CNTNAP5: variants seen among roughly 807,000 people sequenced by gnomAD.
The protein encoded by CNTNAP5 is contactin associated protein family member 5, also known as contactin-associated protein-like 5.
CNTNAP5 carries 72 observed loss-of-function variants against 150.2 expected under a neutral mutation model. The ratio of observed to expected loss-of-function variants is 0.48; its 90% CI spans 0.40 to 0.58. The LOEUF is 0.58. Ranked by LOEUF, CNTNAP5 falls within the 20% of genes least tolerant of loss-of-function variation. The pLI is 0.00. For synonymous variants in CNTNAP5, 672 were observed against 619.8 expected (o/e 1.08, Z -1.25); for missense variants, 1,636 against 1,626.2 (o/e 1.01, Z -0.10).
intron 3 of CNTNAP5, among the ~76,000 whole-genome samples, chr2:124,395,503 C>T (rs1043614706): frequency 6.6e-6 from 1 of 151,962 alleles, no homozygotes; most frequent in African/African-American, 2.4e-5. Flanking sequence ...CTCTGCTCTC[C>T]TGCTTGGAAA....
chr2:124,073,648 C>A (rs143353556), intron 1 of CNTNAP5, among the ~76,000 whole-genome samples: 1,964 of 152,000 alleles, frequency 0.013, 43 homozygotes, highest in African/African-American at 0.045. Flanking sequence ...TATCATCTCA[C>A]CCCAGTTAAA....
chr2:124,265,471 A>G (rs567232952), intron 3 of CNTNAP5, among the ~76,000 whole-genome samples: 24 of 152,070 alleles, frequency 1.6e-4, no homozygotes, highest in African/African-American at 4.8e-4. Flanking sequence ...GTCCTAATCC[A>G]TCACTATCCT....
chr2:124,139,761 T>C (rs574529280), intron 1 of CNTNAP5, among the ~76,000 whole-genome samples: 21 of 152,272 alleles, frequency 1.4e-4, no homozygotes, highest in Middle Eastern at 3.4e-3. Context: ...AGATTTGATA[T>C]TTTAAAATAT....
chr2:124,506,280 T>C (rs1267270300), intron 8 of CNTNAP5, among the ~76,000 whole-genome samples: 1 of 152,100 alleles, frequency 6.6e-6, no homozygotes, highest in African/African-American at 2.4e-5. Context: ...CTGTGCATTG[T>C]TCTTTGTATC....
At chr2:124,398,481 T>TTTATTTATTTATTTAC (rs772499834) in intron 3 of CNTNAP5, among the ~76,000 whole-genome samples, 1,078 of 23,404 alleles carry the variant, frequency 0.046, 15 homozygotes, top group South Asian at 0.32. Flanking sequence ...AAATTTTTAC[T>TTTATTTATTTATTTAC]TTATTTATTT....
intron 13 of CNTNAP5, among the ~76,000 whole-genome samples, chr2:124,649,721 G>C (rs1265901197): frequency 6.6e-6 from 1 of 151,998 alleles, no homozygotes; most frequent in East Asian, 1.9e-4. Flanking sequence ...CTATAGTTTC[G>C]ATTTCACCAC....
chr2:124,171,948 C>T (rs987561671), intron 1 of CNTNAP5, among the ~76,000 whole-genome samples: 3 of 152,210 alleles, frequency 2.0e-5, no homozygotes, highest in Non-Finnish European at 4.4e-5. Context: ...AGGACCTACT[C>T]ATGAATGACA....
chr2:124,818,784 G>T (rs140174181), intron 19 of CNTNAP5, among the ~76,000 whole-genome samples: 4 of 152,070 alleles, frequency 2.6e-5, no homozygotes. Flanking sequence ...GAGACCAACT[G>T]CATTTCTCCT....
Position 124,434,597 on chromosome 2 carries a change from G to T in CNTNAP5, c.643G>T (p.Asp215Tyr). Residue 215 changes from aspartate to tyrosine, a missense_variant, in exon 5 of 24, where the codon GAT becomes TAT. Transcript: ENST00000682447. ...CCTGAAGTTCAAGAGCATGCAAGGA[G>T]ATGGGGTCCTGTTCCATGGAGAAGG... ...ISLKFKSMQG[D>Y]GVLFHGEGQR... 3.7e-6 allele frequency: 6 copies of T among 1,613,998 alleles called. No individual in the cohort carries two copies. Among genetic ancestry groups the T allele is most frequent in the Non-Finnish European group, 4.2e-6 (5 of 1,179,870 alleles).
chr2:124,540,492 C>T (rs1248711115), intron 10 of CNTNAP5, among the ~76,000 whole-genome samples: 3 of 152,146 alleles, frequency 2.0e-5, no homozygotes, highest in Non-Finnish European at 4.4e-5. Context: ...GCTAATATTC[C>T]TCTGTGACCT....
At chr2:124,250,450 G>A (rs771603987) in intron 3 of CNTNAP5, among the ~76,000 whole-genome samples, 1 of 152,068 alleles carries the variant, frequency 6.6e-6, no homozygotes, top group Non-Finnish European at 1.5e-5. Context: ...GAGAGGCCCA[G>A]AGGACACTGG....
chr2:124,903,012 GA>G lies in CNTNAP5; in HGVS notation c.3568del (p.Thr1190LeufsTer6). 1 of 1,611,496 alleles carries G rather than the reference GA, an allele frequency of 6.2e-7. No individual in the cohort carries two copies. Among genetic ancestry groups the G allele is most frequent in the Non-Finnish European group, 8.5e-7 (1 of 1,178,810 alleles). On this transcript the variant is annotated frameshift_variant, in exon 22 of 24. Transcript: ENST00000682447. LOFTEE classifies it high-confidence loss of function. ...TGCGCCATGCCACTGTCGCGCCTGT[GA>G]CTGTCCATGGGACCTTGACGGAATC... ...ALRHATVAPV[T>X]VHGTLTESSC...
intron 7 of CNTNAP5, among the ~76,000 whole-genome samples, chr2:124,490,378 A>AGAGG (rs35775977): frequency 1.1e-3 from 149 of 130,242 alleles, no homozygotes; most frequent in Middle Eastern, 3.8e-3. Context: ...AGAAAGAAAG[A>AGAGG]GAGGGAGGGA....
intron 10 of CNTNAP5, among the ~76,000 whole-genome samples, chr2:124,554,754 A>G (rs1695712497): frequency 6.6e-6 from 1 of 152,174 alleles, no homozygotes; most frequent in Non-Finnish European, 1.5e-5. Flanking sequence ...TACAAGAATT[A>G]TACTCGAATA....
chr2:124,798,855 T>C (rs1206049223), intron 19 of CNTNAP5, among the ~76,000 whole-genome samples: 1 of 152,136 alleles, frequency 6.6e-6, no homozygotes. Context: ...TTTTTAAAGA[T>C]AATGACAAAT....
At chr2:124,317,368 G>A (rs1044434698) in intron 3 of CNTNAP5, among the ~76,000 whole-genome samples, 10 of 152,012 alleles carry the variant, frequency 6.6e-5, no homozygotes, top group South Asian at 2.1e-4. Context: ...AAATTTTCAC[G>A]TCACTCAGCT....
chr2:124,686,619 A>C (rs13026562), intron 13 of CNTNAP5, among the ~76,000 whole-genome samples: 25 of 151,946 alleles, frequency 1.6e-4, no homozygotes, highest in African/African-American at 5.6e-4. Context: ...TTCCAATCCC[A>C]GCTGCCATCT....
chr2:124,119,937 C>T (rs1488895228), intron 1 of CNTNAP5, among the ~76,000 whole-genome samples: 1 of 152,180 alleles, frequency 6.6e-6, no homozygotes, highest in Non-Finnish European at 1.5e-5. Flanking sequence ...GGTTCTCAAA[C>T]TTGGAACCAC....
At chr2:124,674,862 C>T (rs984499313) in intron 13 of CNTNAP5, among the ~76,000 whole-genome samples, 1 of 151,652 alleles carries the variant, frequency 6.6e-6, no homozygotes, top group Non-Finnish European at 1.5e-5. Flanking sequence ...TGATTTTAAT[C>T]GTTATAAATT....
Sources: gnomAD v4.1 joint callset for allele counts (sites outside exome capture counted in the v4.1 genomes callset) on GRCh38, gnomAD v4.1.1 for gene constraint, MANE v1.5 for transcripts, NCBI Gene and HGNC (gene_info 2026-07-23, HGNC 2026-07-21) for gene names.